Variants in ZNF618 observed in about 807,000 individuals in gnomAD.
ZNF618 encodes the protein zinc finger protein 618.
A neutral mutation model predicts 103.0 loss-of-function variants in ZNF618; 34 were observed. That is an observed-to-expected ratio of 0.33 (90% confidence interval 0.25 to 0.44). The LOEUF is 0.44. ZNF618 is among the 20% of genes least tolerant of loss of function. The probability of loss-of-function intolerance (pLI) is 1.00; values close to 1 mark genes in which losing one functional copy is unlikely to be tolerated. For synonymous variants in ZNF618, 551 were observed against 542.2 expected, an observed-to-expected ratio of 1.02 and a Z score of -0.23; for missense variants, 1,059 against 1,295.4, an observed-to-expected ratio of 0.82 and a Z score of 2.80.
In ZNF618 at chr9:114,050,291, C is replaced by T; in HGVS notation, c.*124C>T. 1.6e-6 allele frequency: 2 copies of T among 1,239,230 alleles called. No individual in the cohort carries two copies. Among genetic ancestry groups the T allele is most frequent in the Non-Finnish European group, 2.2e-6 (2 of 909,272 alleles). The allele number at this position is 1,239,230 out of a possible 1,614,324, so 76.8% of individuals were successfully genotyped here. A position where few individuals can be genotyped will look rare whatever the true frequency, so the allele number is the denominator to read the frequency against. ...CTGTGGACCTCATTATAAATGCCCC[C>T]TGGAAACTTAAGTGCTTTTTTTATA... is the stretch of plus-strand genomic sequence containing the variant. On this transcript the variant is annotated 3_prime_UTR_variant, in exon 15 of 15. Coordinates refer to ENST00000374126, the MANE Select transcript of ZNF618 (RefSeq NM_001318042.2).
At chr9:113,981,172 C>A (rs532195605) in intron 2 of ZNF618, among the ~76,000 whole-genome samples, 1 of 152,192 alleles carries the variant, frequency 6.6e-6, no homozygotes, top group East Asian at 1.9e-4. Context: ...GAGTTTTATT[C>A]TAGGGGGAGT....
intron 2 of ZNF618, among the ~76,000 whole-genome samples, chr9:113,978,976 A>G (rs868659506): frequency 2.6e-4 from 40 of 152,292 alleles, no homozygotes; most frequent in African/African-American, 9.1e-4. Flanking sequence ...TGTCCTCACC[A>G]GCATCACCTC....
At chr9:114,029,709 G>A (rs114700887) in intron 11 of ZNF618, among the ~76,000 whole-genome samples, 13 of 152,216 alleles carry the variant, frequency 8.5e-5, no homozygotes, top group African/African-American at 3.1e-4. Flanking sequence ...CTAGATCTCT[G>A]GTCTCTTGCC....
rs540022975 is a variant in ZNF618, at chr9:113,892,079, G to A, written c.33+15666G>A. Among the ~76,000 whole-genome samples, 184 of 152,236 alleles carry A rather than the reference G, an allele frequency of 1.2e-3. 1 individual carries two copies. The highest frequency in any genetic ancestry group is 4.2e-3 in the African/African-American group (176 of 41,534). On this transcript the variant is annotated intron_variant, in intron 1 of 14. Transcript: ENST00000374126. ...CCAGCAGCTGGTGCAAGGACAATGG[G>A]CAGTTGTTAAATAGGTGAGAGTTTC... is the stretch of plus-strand genomic sequence containing the variant.
intron 13 of ZNF618, among the ~76,000 whole-genome samples, chr9:114,039,771 G>T (rs538018791): frequency 6.6e-6 from 1 of 152,280 alleles, no homozygotes; most frequent in Admixed American, 6.5e-5. Flanking sequence ...AGAGATGACG[G>T]ATGTAGAGTA....
At chr9:113,976,196 A>G (rs1838453830) in intron 2 of ZNF618, among the ~76,000 whole-genome samples, 1 of 152,146 alleles carries the variant, frequency 6.6e-6, no homozygotes, top group South Asian at 2.1e-4. Flanking sequence ...GGGCACTTGA[A>G]CTTTGGGTGG....
intron 2 of ZNF618, among the ~76,000 whole-genome samples, chr9:113,974,164 G>T (rs1564241397): frequency 6.6e-6 from 1 of 152,234 alleles, no homozygotes; most frequent in Non-Finnish European, 1.5e-5. Flanking sequence ...ACAAGTGTTG[G>T]GGGTGGGGAA....
chr9:113,937,554 C>T (rs1834139314), intron 1 of ZNF618, among the ~76,000 whole-genome samples: 1 of 152,218 alleles, frequency 6.6e-6, no homozygotes, highest in Non-Finnish European at 1.5e-5. Flanking sequence ...TTTAGGAGAG[C>T]TCCTCGGTCT....
chr9:113,988,552 C>A lies in ZNF618; in HGVS notation c.309C>A (p.Ile103=), dbSNP rs372177190. 3 of 1,609,784 alleles carry A rather than the reference C, an allele frequency of 1.9e-6. No homozygotes were observed. The African/African-American group carries it at 4.0e-5, about 21-fold the overall frequency. ...TGCCTGCCGAGATCTGCGTGGTGAT[C>A]GGCGGCGTCCGCAACCAGCAGACCC... ...SDVPAEICVV[I]GGVRNQQTLD... Residue 103 remains isoleucine (I), a synonymous_variant, in exon 3 of 15, where the codon ATC becomes ATA. Coordinates refer to ENST00000374126, the MANE Select transcript of ZNF618 (RefSeq NM_001318042.2).
At chr9:113,951,528 T>C (rs1191354967) in intron 1 of ZNF618, among the ~76,000 whole-genome samples, 3 of 121,468 alleles carry the variant, frequency 2.5e-5, no homozygotes, top group Admixed American at 1.8e-4. Context: ...TATGTACACA[T>C]ATGTGTGTAC....
Position 114,050,006 on chromosome 9 carries a change from A to C in ZNF618, c.2704A>C (p.Lys902Gln). 1 of 1,613,968 alleles carries C rather than the reference A, an allele frequency of 6.2e-7. No homozygotes were observed. The highest frequency in any genetic ancestry group is 8.5e-7 in the Non-Finnish European group (1 of 1,179,904). Residue 902 changes from lysine to glutamine, a missense_variant, in exon 15 of 15, where the codon AAA (lysine) becomes CAA (glutamine). Lys to Gln is a moderately conservative substitution (Grantham distance 53). Coordinates refer to ENST00000374126, the MANE Select transcript of ZNF618 (RefSeq NM_001318042.2). The stretch of plus-strand genomic sequence containing the variant: ...GTCGTGCGTTACCCAAAAGCACACA[A>C]AACTCGCCAAGCTCGCCTTCTGGCT... ...YWSCVTQKHT[K>Q]LAKLAFWLLA...
chr9:113,914,523 G>C (rs1831886913), intron 1 of ZNF618, among the ~76,000 whole-genome samples: 2 of 152,200 alleles, frequency 1.3e-5, no homozygotes, highest in Non-Finnish European at 2.9e-5. Flanking sequence ...GCCGGTTTAT[G>C]ATTTTGTAAA....
chr9:113,967,263 T>C (rs572919691), intron 1 of ZNF618, among the ~76,000 whole-genome samples: 1 of 152,350 alleles, frequency 6.6e-6, no homozygotes, highest in South Asian at 2.1e-4. Flanking sequence ...ATTCAGCCTG[T>C]TTGCTTTGCA....
chr9:114,047,663 G>A (rs1409884163), intron 13 of ZNF618, among the ~76,000 whole-genome samples: 1 of 152,108 alleles, frequency 6.6e-6, no homozygotes, highest in Non-Finnish European at 1.5e-5. Flanking sequence ...GCTCTTGTTA[G>A]TCTTACCAGC....
chr9:113,995,532 T>TA (rs1840489811), intron 3 of ZNF618, among the ~76,000 whole-genome samples: 1 of 152,200 alleles, frequency 6.6e-6, no homozygotes, highest in Non-Finnish European at 1.5e-5. Context: ...TCTAAGTGCT[T>TA]AGAAAGCTCA....
At chr9:113,884,113 C>G (rs1018601200) in intron 1 of ZNF618, among the ~76,000 whole-genome samples, 1 of 150,498 alleles carries the variant, frequency 6.6e-6, no homozygotes, top group African/African-American at 2.4e-5. Flanking sequence ...TTGCTGTGGC[C>G]TCTCTAAAAG....
intron 4 of ZNF618, 26 bp downstream of exon 4, chr9:113,998,380 C>T (rs973449069): frequency 1.3e-5 from 20 of 1,542,864 alleles, no homozygotes; most frequent in Non-Finnish European, 1.8e-5. Context: ...GGGGTAGTGC[C>T]TGATCCGGGG....
At chr9:113,984,103 AC>A (rs1197278167) in intron 2 of ZNF618, among the ~76,000 whole-genome samples, 1 of 152,210 alleles carries the variant, frequency 6.6e-6, no homozygotes, top group Non-Finnish European at 1.5e-5. Context: ...GAGCCAGTGT[AC>A]AAAGCATTTT....
chr9:113,973,615 T>G (rs1838209316), intron 2 of ZNF618, among the ~76,000 whole-genome samples: 1 of 152,210 alleles, frequency 6.6e-6, no homozygotes, highest in African/African-American at 2.4e-5. Flanking sequence ...GTGTGCAGGT[T>G]ACAAATCATG....
Sources: gnomAD v4.1 joint callset for allele counts (sites outside exome capture counted in the v4.1 genomes callset) on GRCh38, gnomAD v4.1.1 for gene constraint, MANE v1.5 for transcripts, NCBI Gene and HGNC (gene_info 2026-07-23, HGNC 2026-07-21) for gene names.